Variants in DNMT3B observed in about 807,000 individuals in gnomAD.
DNMT3B encodes DNA methyltransferase 3 beta, also known as DNA (cytosine-5)-methyltransferase 3B.
In DNMT3B, 37 loss-of-function variants were observed where a neutral mutation model predicts 120.2. The ratio of observed to expected loss-of-function variants is 0.31; its 90% CI spans 0.24 to 0.40. The LOEUF is 0.40. Ranked by LOEUF, DNMT3B falls within the 10% of genes least tolerant of loss-of-function variation. The pLI, the probability that DNMT3B is intolerant of heterozygous loss-of-function variation, is 1.00. For synonymous variants in DNMT3B, 412 were observed against 442.8 expected (o/e 0.93, Z 0.87); for missense variants, 878 against 1,137.3 (o/e 0.77, Z 3.28).
intron 1 of DNMT3B, among the ~76,000 whole-genome samples, chr20:32,776,930 A>G (rs1988098078): frequency 6.6e-6 from 1 of 151,882 alleles, no homozygotes; most frequent in South Asian, 2.1e-4. Context: ...CTGCGTGTAG[A>G]CTGAAGCGGG....
In DNMT3B at chr20:32,788,988, G is replaced by A; in HGVS notation, c.789G>A (p.Trp263Ter). Residue 263 changes from tryptophan (W) to a stop codon, truncating the protein, a stop_gained, in exon 7 of 23, where the codon TGG (tryptophan) becomes TGA (stop). Transcript: ENST00000328111. LOFTEE classifies it high-confidence loss of function. ...QAMSGMRWVQ[W>*]FGDGKFSEVS... Reference sequence around the variant, plus strand: ...TGTCTGGCATGCGGTGGGTCCAGTGGTTTGGCGATGGCAAGTTCTCCGAGG... The same window carrying A: ...TGTCTGGCATGCGGTGGGTCCAGTGATTTGGCGATGGCAAGTTCTCCGAGG... 6.2e-7 allele frequency: 1 copy of A among 1,614,194 alleles called. No homozygotes were observed.
chr20:32,799,710 G>A (rs1435411543), intron 16 of DNMT3B, among the ~76,000 whole-genome samples: 2 of 152,068 alleles, frequency 1.3e-5, no homozygotes, highest in African/African-American at 2.4e-5. Context: ...TAGAGACGGG[G>A]TTTCTCCACG....
intron 1 of DNMT3B, among the ~76,000 whole-genome samples, chr20:32,777,293 C>T (rs1988114210): frequency 6.6e-6 from 1 of 152,060 alleles, no homozygotes; most frequent in Non-Finnish European, 1.5e-5. Context: ...GCTGCCCACA[C>T]GTTGGGTAGG....
chr20:32,797,230 A>G lies in DNMT3B; in HGVS notation c.1421A>G (p.Tyr474Cys), dbSNP rs377551093. The part of the protein sequence containing the change: ...ELFYMYDDDG[Y>C]QSYCTVCCEG... ...TTTTACATGTATGATGACGATGGCT[A>G]TCAGTCTTACTGCACTGTGTGCTGC... The change falls in exon 14 of 23, where the codon TAT (tyrosine) becomes TGT (cysteine). Residue 474 changes from tyrosine (Y) to cysteine (C), a missense_variant. Coordinates refer to ENST00000328111, the MANE Select transcript of DNMT3B (RefSeq NM_006892.4). The G allele has an allele frequency of 2.5e-6, 4 of 1,614,220 alleles. No individual in the cohort carries two copies. Among genetic ancestry groups the G allele is most frequent in the East Asian group, 2.2e-5 (1 of 44,878 alleles).
rs1555833247 is a variant in DNMT3B at position 32,770,610 on chromosome 20, C to CT, written c.-7+7926dup. ...GCTTGAGCCACCATGCTCCGCCTTA[C>CT]TTTTTTTTTTTTTTTCCTTTTGAGA... On this transcript the variant is annotated intron_variant, in intron 1 of 22. Transcript: ENST00000328111. 4.1e-3 allele frequency among the ~76,000 whole-genome samples: 598 copies of CT among 144,810 alleles called. 5 individuals are homozygous for CT. The highest frequency in any genetic ancestry group is 5.2e-3 in the Non-Finnish European group (344 of 65,820).
intron 1 of DNMT3B, among the ~76,000 whole-genome samples, chr20:32,765,383 A>G (rs1025178542): frequency 2.1e-5 from 3 of 144,762 alleles, no homozygotes; most frequent in African/African-American, 5.2e-5. Flanking sequence ...TACAGGTACT[A>G]TTACGTCTTG....
Position 32,807,828 on chromosome 20 carries a change from G to T in DNMT3B, c.2487G>T (p.Leu829=). ...TGGGCCGTGGTGCCCGCCAGAAGCT[G>T]CTGGGAAGGTCCTGGAGCGTGCCTG... ...SNMGRGARQK[L]LGRSWSVPVI... The change falls in exon 23 of 23, where the codon CTG becomes CTT. Residue 829 remains leucine (L), a synonymous_variant. Coordinates refer to ENST00000328111, the MANE Select transcript of DNMT3B (RefSeq NM_006892.4). 1 of 1,614,230 alleles carries T rather than the reference G, an allele frequency of 6.2e-7. No individual in the cohort carries two copies. Among genetic ancestry groups the T allele is most frequent in the Non-Finnish European group, 8.5e-7 (1 of 1,180,048 alleles).
intron 19 of DNMT3B, 84 bp from the exon 20 acceptor site, chr20:32,802,301 A>C: frequency 7.0e-7 from 1 of 1,418,988 alleles, no homozygotes; most frequent in South Asian, 1.1e-5. Flanking sequence ...ATAGTCAGGG[A>C]ATAGCCCTGT....
chr20:32,764,015 A>G (rs1357857305), intron 1 of DNMT3B, among the ~76,000 whole-genome samples: 5 of 151,928 alleles, frequency 3.3e-5, no homozygotes, highest in Non-Finnish European at 1.5e-5. Context: ...TGCGGACTTG[A>G]TTTTTCCAGA....
In DNMT3B at chr20:32,787,387, AG is replaced by A. The variant is rs2145950077; in HGVS notation, c.596del (p.Gly199AlafsTer27). 1 of 1,614,188 alleles carries A rather than the reference AG, an allele frequency of 6.2e-7. No homozygotes were observed. Among genetic ancestry groups the A allele is most frequent in the Non-Finnish European group, 8.5e-7 (1 of 1,180,024 alleles). ...PYARLAQDSQQGGMESPQVEA... is the reference protein window; with the variant it reads ...PYARLAQDSQXGGMESPQVEA... ...GCCCGCCTAGCCCAGGACAGCCAGCAGGGGGGCATGGAGTCCCCGCAGGTGG... is the reference window on the plus strand; with the variant it reads ...GCCCGCCTAGCCCAGGACAGCCAGCAGGGGGCATGGAGTCCCCGCAGGTGG... On this transcript the variant is annotated frameshift_variant, in exon 6 of 23. Transcript: ENST00000328111. LOFTEE classifies it high-confidence loss of function.
At chr20:32,787,954 G>A (rs565402510) in intron 6 of DNMT3B, among the ~76,000 whole-genome samples, 2 of 152,204 alleles carry the variant, frequency 1.3e-5, no homozygotes, top group African/African-American at 4.8e-5. Context: ...AAGGTGCTCA[G>A]TGGGGGAGTT....
chr20:32,787,475 C>T, intron 6 of DNMT3B, 24 bp downstream of exon 6: 1 of 1,606,468 alleles, frequency 6.2e-7, no homozygotes, highest in Non-Finnish European at 8.5e-7. Context: ...GGGCTCCTGC[C>T]CAGGGTGACT....
chr20:32,787,074 T>C (rs958097025), intron 5 of DNMT3B, among the ~76,000 whole-genome samples, 156 bp from the exon 6 acceptor site: 9 of 152,242 alleles, frequency 5.9e-5, no homozygotes, highest in African/African-American at 1.9e-4. Flanking sequence ...CCTTAAGGGA[T>C]ACGTGTTCCT....
Position 32,787,277 on chromosome 20 carries a change from C to A in DNMT3B, c.480C>A (p.Ser160=). The change falls in exon 6 of 23, where the codon TCC becomes TCA. Residue 160 remains serine (S), a synonymous_variant. Transcript: ENST00000328111. ...CATCGGCAGGAACGCCATGGCCGTCCCCTCCCAGCTCTTACCTTACCATCG... is the reference window on the plus strand; with the variant it reads ...CATCGGCAGGAACGCCATGGCCGTCACCTCCCAGCTCTTACCTTACCATCG... ...ATASAGTPWP[S]PPSSYLTIDL... The A allele has an allele frequency of 2.5e-6, 4 of 1,614,234 alleles. No homozygotes were observed. The highest frequency in any genetic ancestry group is 3.4e-6 in the Non-Finnish European group (4 of 1,180,048).
At chr20:32,786,787 C>T (rs1485812202) in intron 5 of DNMT3B, among the ~76,000 whole-genome samples, 160 bp downstream of exon 5, 1 of 152,184 alleles carries the variant, frequency 6.6e-6, no homozygotes, top group Non-Finnish European at 1.5e-5. Flanking sequence ...GTAAGCTTCC[C>T]GTAAGCCTGT....
At chr20:32,764,431 CCT>C (rs986657285) in intron 1 of DNMT3B, among the ~76,000 whole-genome samples, 17 of 152,198 alleles carry the variant, frequency 1.1e-4, no homozygotes, top group Admixed American at 8.5e-4. Flanking sequence ...ACGAATAGCC[CCT>C]CATTTTAGGG....
At chr20:32,789,754 C>A (rs564602064) in intron 7 of DNMT3B, among the ~76,000 whole-genome samples, 6 of 152,292 alleles carry the variant, frequency 3.9e-5, no homozygotes, top group African/African-American at 1.4e-4. Context: ...CCACCGCACC[C>A]TGCTAATATT....
intron 22 of DNMT3B, 61 bp downstream of exon 22, chr20:32,806,388 T>A: frequency 6.8e-7 from 1 of 1,471,588 alleles, no homozygotes. Flanking sequence ...TGGGCAGACA[T>A]GGGCAGGTGC....
At chr20:32,774,036 G>A (rs1480691525) in intron 1 of DNMT3B, among the ~76,000 whole-genome samples, 1 of 139,276 alleles carries the variant, frequency 7.2e-6, no homozygotes, top group Non-Finnish European at 1.5e-5. Context: ...GCACAGTACT[G>A]GGACCTTGTG....
Sources: allele counts gnomAD v4.1 joint callset (sites outside exome capture counted in the v4.1 genomes callset), GRCh38; gene constraint gnomAD v4.1.1; transcripts MANE v1.5; gene names NCBI Gene and HGNC (gene_info 2026-07-23, HGNC 2026-07-21).